Variants in IPO11 observed in about 807,000 individuals in gnomAD.
The protein encoded by IPO11 is importin-11.
Under a neutral mutation model 143.2 loss-of-function variants are expected in IPO11, and 66 were observed. The ratio of observed to expected loss-of-function variants is 0.46; its 90% CI spans 0.38 to 0.57. The LOEUF is 0.57. IPO11 is among the 20% of genes least tolerant of loss of function. The pLI, the probability that IPO11 is intolerant of heterozygous loss-of-function variation, is 0.00. For synonymous variants in IPO11, 385 were observed against 377.8 expected (o/e 1.02, Z -0.22); for missense variants, 1,026 against 1,141.0 (o/e 0.90, Z 1.45).
intron 5 of IPO11, among the ~76,000 whole-genome samples, chr5:62,465,985 G>C (rs1403210634): frequency 2.0e-5 from 3 of 152,274 alleles, no homozygotes; most frequent in African/African-American, 7.2e-5. Flanking sequence ...TATATTCTGC[G>C]GTGTGTTTTA....
At chr5:62,575,213 GAAA>G (rs959744934) in intron 27 of IPO11, among the ~76,000 whole-genome samples, 2 of 152,120 alleles carry the variant, frequency 1.3e-5, no homozygotes, top group African/African-American at 4.8e-5. Flanking sequence ...TTCAGACTTA[GAAA>G]AACACTGCAA....
chr5:62,425,930 A>C (rs1219734757), intron 1 of IPO11, among the ~76,000 whole-genome samples: 1 of 152,234 alleles, frequency 6.6e-6, no homozygotes. Context: ...TAGTAAGAAC[A>C]TTAAGTACCT....
intron 24 of IPO11, among the ~76,000 whole-genome samples, chr5:62,547,111 A>C (rs1419113904): frequency 6.6e-6 from 1 of 152,176 alleles, no homozygotes; most frequent in Non-Finnish European, 1.5e-5. Flanking sequence ...GAATATTTCA[A>C]GTCATTTTAA....
At chr5:62,545,148 G>A (rs577635520) in intron 24 of IPO11, among the ~76,000 whole-genome samples, 2 of 151,960 alleles carry the variant, frequency 1.3e-5, no homozygotes, top group Non-Finnish European at 2.9e-5. Context: ...CAAGACAATC[G>A]TAAGCCAAAA....
At chr5:62,624,630 C>G (rs1171909482) in intron 29 of IPO11, among the ~76,000 whole-genome samples, 1 of 152,048 alleles carries the variant, frequency 6.6e-6, no homozygotes, top group African/African-American at 2.4e-5. Flanking sequence ...CTTAGAATGT[C>G]TAACGTCCTG....
intron 5 of IPO11, among the ~76,000 whole-genome samples, chr5:62,458,351 AGTGCAGTG>A (rs2067261): frequency 0.58 from 88,036 of 151,048 alleles, 25,872 homozygotes; most frequent in South Asian, 0.68. Context: ...CCCAGGCTGG[AGTGCAGTG>A]GTGCAATCTC....
intron 8 of IPO11, among the ~76,000 whole-genome samples, chr5:62,475,362 A>G (rs1247118663): frequency 6.6e-6 from 1 of 152,146 alleles, no homozygotes; most frequent in East Asian, 1.9e-4. Flanking sequence ...CTCTACAAAA[A>G]ATATTAAAAA....
chr5:62,418,995 A>AT (rs760026377), intron 1 of IPO11: 1 of 1,547,404 alleles, frequency 6.5e-7, no homozygotes, highest in Non-Finnish European at 8.7e-7. Context: ...TTCTATGAAC[A>AT]TCATATGAAC....
chr5:62,564,665 C>T (rs547791053), intron 27 of IPO11, among the ~76,000 whole-genome samples: 131 of 152,194 alleles, frequency 8.6e-4, no homozygotes, highest in African/African-American at 2.9e-3. Context: ...GTCAGTTGCA[C>T]TCTCCTCTTC....
At chr5:62,552,199 A>C (rs1046996753) in intron 26 of IPO11, among the ~76,000 whole-genome samples, 2 of 152,142 alleles carry the variant, frequency 1.3e-5, no homozygotes, top group African/African-American at 4.8e-5. Context: ...ATCTGTTAAG[A>C]TTTATAAGAT....
rs1744495211 is a variant in IPO11 at position 62,441,893 on chromosome 5, T to C, written c.139-1090T>C. On this transcript the variant is annotated intron_variant, in intron 2 of 29. Coordinates refer to ENST00000325324, the MANE Select transcript of IPO11 (RefSeq NM_016338.5). ...ACAGAGTCTCACTCTGTCACCAGGT[T>C]GGAGCACAGTGGCGCGATCTCGGCT... 2.0e-5 allele frequency among the ~76,000 whole-genome samples: 3 copies of C among 151,720 alleles called. No individual in the cohort carries two copies. The South Asian group carries it at 6.2e-4, about 32-fold the overall frequency.
In IPO11 at chr5:62,551,319, C is replaced by G. The variant is rs1388025918; in HGVS notation, c.2443C>G (p.His815Asp). Residue 815 changes from histidine (H) to aspartate (D), a missense_variant, in exon 26 of 30, where the codon CAT becomes GAT. By Grantham distance (81) the His-to-Asp change is moderately conservative. Coordinates refer to ENST00000325324, the MANE Select transcript of IPO11 (RefSeq NM_016338.5). ...FFSSLLNEMA[H>D]KFNQEMDQLL... ...TTCTTCACTACTTAATGAGATGGCC[C>G]ATAAATTTAATCAGGAGGTAAGAAT... The G allele has an allele frequency of 3.8e-6, 6 of 1,578,312 alleles. No homozygotes were observed. Among genetic ancestry groups the G allele is most frequent in the East Asian group, 2.2e-5 (1 of 44,558 alleles).
chr5:62,492,768 G>A (rs184807893), intron 15 of IPO11, among the ~76,000 whole-genome samples: 129 of 152,130 alleles, frequency 8.5e-4, no homozygotes, highest in African/African-American at 2.9e-3. Flanking sequence ...AAACTCCTGA[G>A]CTCAAGCCAT....
intron 29 of IPO11, among the ~76,000 whole-genome samples, chr5:62,608,821 T>C (rs1252417235): frequency 6.6e-6 from 1 of 152,232 alleles, no homozygotes. Context: ...GTACATTCTA[T>C]GGGTCTTAAT....
At chr5:62,501,467 A>G (rs1432964612) in intron 16 of IPO11, among the ~76,000 whole-genome samples, 1 of 152,224 alleles carries the variant, frequency 6.6e-6, no homozygotes, top group African/African-American at 2.4e-5. Context: ...TTTTGAGTTT[A>G]TAATTGATAT....
At chr5:62,625,537 G>A (rs1217853848) in intron 29 of IPO11, among the ~76,000 whole-genome samples, 1 of 152,134 alleles carries the variant, frequency 6.6e-6, no homozygotes, top group Non-Finnish European at 1.5e-5. Context: ...GCTTCTGAAG[G>A]TTCCTAATTT....
In IPO11 at chr5:62,465,936, G is replaced by A. The variant is rs188522368; in HGVS notation, c.517-1195G>A. Among the ~76,000 whole-genome samples, 3 of 152,348 alleles carry A rather than the reference G, an allele frequency of 2.0e-5. No individual in the cohort carries two copies. In the East Asian group the frequency reaches 5.8e-4, roughly 29 times the overall value. On this transcript the variant is annotated intron_variant, in intron 5 of 29. Transcript: ENST00000325324. ...AATGTGACTTGTGGGATGCCTAATT[G>A]CTGAGAAGCCAATTCTAGACCATAT...
At chr5:62,603,515 G>A (rs1745584379) in intron 29 of IPO11, among the ~76,000 whole-genome samples, 1 of 152,164 alleles carries the variant, frequency 6.6e-6, no homozygotes, top group Non-Finnish European at 1.5e-5. Context: ...TACGGTAGTG[G>A]GTGGCTGGAG....
chr5:62,601,927 A>T (rs1745520909), intron 29 of IPO11, 79 bp downstream of exon 29: 1 of 826,100 alleles, frequency 1.2e-6, no homozygotes, highest in Non-Finnish European at 1.9e-6. Context: ...TCTATGGTCT[A>T]TTTGTCCATC....
Sources: allele counts gnomAD v4.1 joint callset (sites outside exome capture counted in the v4.1 genomes callset), GRCh38; gene constraint gnomAD v4.1.1; transcripts MANE v1.5; gene names NCBI Gene and HGNC (gene_info 2026-07-23, HGNC 2026-07-21).